The following MYT1 variants were observed in gnomAD, a reference collection of about 807,000 sequenced individuals.
MYT1 encodes the protein myelin transcription factor 1, also known as myelin transcription factor I.
MYT1 carries 23 observed loss-of-function variants against 123.0 expected under a neutral mutation model. The observed-to-expected ratio is 0.19, with a 90% CI of 0.13 to 0.26. MYT1 has a LOEUF of 0.26. MYT1 is among the 10% of genes least tolerant of loss of function. MYT1 has a pLI of 1.00. For synonymous variants in MYT1, 518 were observed against 575.3 expected (o/e 0.90, Z 1.43); for missense variants, 1,125 against 1,472.5 (o/e 0.76, Z 3.86).
intron 2 of MYT1, 151 bp from the exon 3 acceptor site, chr20:64,198,711 T>G: frequency 1.3e-6 from 1 of 763,764 alleles, no homozygotes; most frequent in Non-Finnish European, 2.2e-6. Context: ...AGGCCTTTCT[T>G]GTCCTGTGAG....
intron 2 of MYT1, among the ~76,000 whole-genome samples, chr20:64,195,335 T>C (rs543900624): frequency 9.9e-4 from 149 of 151,132 alleles, no homozygotes; most frequent in African/African-American, 3.4e-3. Flanking sequence ...CTGGTCTTCG[T>C]ACCATGTCAT....
chr20:64,218,287 G>A lies in MYT1; in HGVS notation c.1847-624G>A, dbSNP rs540106517. Among the ~76,000 whole-genome samples, 7 of 152,208 alleles carry A rather than the reference G, an allele frequency of 4.6e-5. No individual in the cohort carries two copies. The South Asian group carries it at 6.2e-4, about 14-fold the overall frequency. ...TGACATCGTGATTGCTGAGAACATCGTGCATGAGAGTGATTTTGCAGCTAC... is the reference window on the plus strand; with the variant it reads ...TGACATCGTGATTGCTGAGAACATCATGCATGAGAGTGATTTTGCAGCTAC... On this transcript the variant is annotated intron_variant, in intron 11 of 22. Transcript: ENST00000328439. This position sits in a 1 kb window ranked among gnomAD's most constrained non-coding sequence, Gnocchi z 4.0.
intron 1 of MYT1, among the ~76,000 whole-genome samples, chr20:64,177,358 C>T (rs1173738481): frequency 6.6e-6 from 1 of 151,932 alleles, no homozygotes; most frequent in Admixed American, 6.6e-5. Flanking sequence ...CTTCATTTTA[C>T]TTCTCTCTGG....
intron 10 of MYT1, among the ~76,000 whole-genome samples, chr20:64,215,458 G>A (rs1293673898): frequency 2.0e-5 from 3 of 152,142 alleles, no homozygotes; most frequent in Admixed American, 1.3e-4. Flanking sequence ...TCTGGCTATC[G>A]AACTTTGGGG....
In MYT1 at chr20:64,194,058, C is replaced by T. The variant is rs376534331; in HGVS notation, c.-1+3898C>T. On this transcript the variant is annotated intron_variant, in intron 2 of 22. Transcript: ENST00000328439. ...TCCACACACCCCAGCCCCAGGGTTT[C>T]AGAGATGTTTCTGACTGTCCCCATT... Among the ~76,000 whole-genome samples the T allele has an allele frequency of 2.7e-3, 414 of 152,300 alleles. 3 individuals are homozygous for T. Among genetic ancestry groups the T allele is most frequent in the African/African-American group, 9.6e-3 (401 of 41,578 alleles).
At position 64,228,208 on chromosome 20, in the gene MYT1, T is replaced by C. The variant is rs7269224; in HGVS notation, c.2675+237T>C. 733 of 546,018 alleles carry C rather than the reference T, an allele frequency of 1.3e-3. 10 individuals are homozygous for C. Among genetic ancestry groups the C allele is most frequent in the African/African-American group, 0.013 (678 of 51,670 alleles). The allele number at this position is 546,018 out of a possible 1,614,324, so 33.8% of individuals were successfully genotyped here. On this transcript the variant is annotated intron_variant, in intron 18 of 22. Coordinates refer to ENST00000328439, the MANE Select transcript of MYT1 (RefSeq NM_004535.3). ...TGGAGGGCATGGGTGCCAGATTTTCTGGGCTTTTCAGGTCTGGAGTATTTG... is the reference window on the plus strand; with the variant it reads ...TGGAGGGCATGGGTGCCAGATTTTCCGGGCTTTTCAGGTCTGGAGTATTTG...
At position 64,235,732 on chromosome 20, in the gene MYT1, CTGGCTGTGGTGGGTGACCCTTGGA is replaced by C. The variant is rs1984506353; in HGVS notation, c.2898-802_2898-779del. On this transcript the variant is annotated intron_variant, in intron 19 of 22. Transcript: ENST00000328439. The stretch of plus-strand genomic sequence containing the variant: ...GCTGGCCGTGGTGGGTGACCCTTGG[CTGGCTGTGGTGGGTGACCCTTGGA>C]TGGCTGTGGTGGGTGACCCTGGGAT... 2.8e-3 allele frequency among the ~76,000 whole-genome samples: 272 copies of C among 97,504 alleles called. 1 individual carries two copies. Among genetic ancestry groups the C allele is most frequent in the Non-Finnish European group, 3.5e-3 (178 of 51,220 alleles). 64.0% of individuals were successfully genotyped at this position (97,504 alleles called of 152,430 possible). A position where few individuals can be genotyped will look rare whatever the true frequency, so the allele number is the denominator to read the frequency against.
rs377619426 is a variant in MYT1, at chr20:64,208,273, G to C, written c.1077G>C (p.Arg359=). 1 of 1,614,044 alleles carries C rather than the reference G, an allele frequency of 6.2e-7. No individual in the cohort carries two copies. The highest frequency in any genetic ancestry group is 1.3e-5 in the African/African-American group (1 of 74,930). ...DDDKDEDTHS[R]KSTVTDESEM... ...ACAAGGACGAGGACACCCACTCCCG[G>C]AAGTCAACAGTCACTGACGAGTCGG... The change falls in exon 7 of 23, where the codon CGG becomes CGC. Residue 359 remains arginine (R), a synonymous_variant. Transcript: ENST00000328439. This position sits in a 1 kb window ranked among gnomAD's most constrained non-coding sequence, Gnocchi z 5.4.
At chr20:64,188,789 G>A (rs529988593) in intron 1 of MYT1, among the ~76,000 whole-genome samples, 1 of 152,156 alleles carries the variant, frequency 6.6e-6, no homozygotes, top group Admixed American at 6.5e-5. Flanking sequence ...GGAAGCTCCC[G>A]CAGCTCCCTC....
intron 1 of MYT1, among the ~76,000 whole-genome samples, chr20:64,170,882 TATAGAGAGAGAG>T (rs1434318555): frequency 8.5e-4 from 35 of 41,336 alleles, no homozygotes; most frequent in South Asian, 3.2e-3. Flanking sequence ...TATATATATA[TATAGAGAGAGAG>T]AGAGAGAGAG....
At chr20:64,183,281 G>A (rs1226885942) in intron 1 of MYT1, among the ~76,000 whole-genome samples, 1 of 152,208 alleles carries the variant, frequency 6.6e-6, no homozygotes, top group Non-Finnish European at 1.5e-5. Context: ...TTCAGCAGTT[G>A]ATGGACATTT....
chr20:64,202,878 C>T lies in MYT1; in HGVS notation c.87-2157C>T, dbSNP rs1359817737. Among the ~76,000 whole-genome samples, 1 of 152,138 alleles carries T rather than the reference C, an allele frequency of 6.6e-6. No individual in the cohort carries two copies. The highest frequency in any genetic ancestry group is 1.5e-5 in the Non-Finnish European group (1 of 68,026). ...TCCCTCCTCCCGGAGAAAAGAGGCT[C>T]GGGAGTCCTGGAGCCCTGGCCGTCT... On this transcript the variant is annotated intron_variant, in intron 4 of 22. Transcript: ENST00000328439. This position sits in a 1 kb window ranked among gnomAD's most constrained non-coding sequence, Gnocchi z 5.0.
intron 2 of MYT1, among the ~76,000 whole-genome samples, chr20:64,194,886 T>C (rs1983062898): frequency 6.6e-6 from 1 of 152,182 alleles, no homozygotes; most frequent in Non-Finnish European, 1.5e-5. Context: ...GCTATGTGTC[T>C]GGGTTCTTTT....
At chr20:64,209,546 A>G (rs182554342) in intron 7 of MYT1, among the ~76,000 whole-genome samples, 59 of 152,230 alleles carry the variant, frequency 3.9e-4, no homozygotes, top group Non-Finnish European at 7.1e-4. Flanking sequence ...TGCTCTTCCA[A>G]TGAGTGCCCC....
chr20:64,238,847 C>G (rs1209634129), intron 21 of MYT1, among the ~76,000 whole-genome samples: 1 of 152,240 alleles, frequency 6.6e-6, no homozygotes, highest in Non-Finnish European at 1.5e-5. Context: ...TTTGGAAGGA[C>G]TCAGAAACCC....
intron 16 of MYT1, among the ~76,000 whole-genome samples, chr20:64,223,961 C>A (rs1984090022): frequency 1.3e-5 from 2 of 152,222 alleles, no homozygotes; most frequent in Admixed American, 1.3e-4. Context: ...ATGGGCAGGG[C>A]AGGCCCTGCA....
intron 16 of MYT1, 107 bp from the exon 17 acceptor site, chr20:64,227,308 G>T: frequency 1.1e-6 from 1 of 932,362 alleles, no homozygotes; most frequent in South Asian, 1.6e-5. Flanking sequence ...GTGGGTGGGC[G>T]CACTCAAGGG....
At position 64,218,774 on chromosome 20, in the gene MYT1, G is replaced by T; in HGVS notation, c.1847-137G>T. 5.6e-6 allele frequency: 6 copies of T among 1,072,004 alleles called. No individual in the cohort carries two copies. Among genetic ancestry groups the T allele is most frequent in the Non-Finnish European group, 7.0e-6 (5 of 719,078 alleles). 66.4% of individuals were successfully genotyped at this position (1,072,004 alleles called of 1,614,324 possible). ...GTGCCCCCTCCCCACTGACTTGTCT[G>T]CATTGCTGCCTCTTTTCAAGTTGTA... On this transcript the variant is annotated intron_variant, in intron 11 of 22. Coordinates refer to ENST00000328439, the MANE Select transcript of MYT1 (RefSeq NM_004535.3). This position sits in a 1 kb window ranked among gnomAD's most constrained non-coding sequence, Gnocchi z 4.0.
intron 19 of MYT1, among the ~76,000 whole-genome samples, chr20:64,234,399 C>T (rs1984434474): frequency 6.6e-6 from 1 of 152,186 alleles, no homozygotes; most frequent in South Asian, 2.1e-4. Flanking sequence ...TGCCCTGGCC[C>T]CCCGAGTATC....
Sources: allele counts gnomAD v4.1 joint callset (sites outside exome capture counted in the v4.1 genomes callset), GRCh38; gene constraint gnomAD v4.1.1; non-coding constraint Gnocchi (gnomAD v3.1); transcripts MANE v1.5; gene names NCBI Gene and HGNC (gene_info 2026-07-23, HGNC 2026-07-21).